Variants in DROSHA observed in about 807,000 individuals in gnomAD.
The protein encoded by DROSHA is drosha ribonuclease III.
In DROSHA, 56 loss-of-function variants were observed where a neutral mutation model predicts 181.9. That is an observed-to-expected ratio of 0.31 (90% CI 0.25 to 0.38). DROSHA has a LOEUF of 0.38. Ranked by LOEUF, DROSHA falls within the 10% of genes least tolerant of loss-of-function variation. DROSHA has a pLI of 1.00. For synonymous variants in DROSHA, 524 were observed against 591.2 expected (o/e 0.89, Z 1.65); for missense variants, 1,218 against 1,743.5 (o/e 0.70, Z 5.37).
chr5:31,477,286 C>G (rs1249174957), intron 16 of DROSHA, among the ~76,000 whole-genome samples: 1 of 152,072 alleles, frequency 6.6e-6, no homozygotes, highest in African/African-American at 2.4e-5. Flanking sequence ...AAGAATATGG[C>G]TGCTTATAAG....
intron 19 of DROSHA, among the ~76,000 whole-genome samples, chr5:31,464,873 C>T (rs1351877968): frequency 2.6e-5 from 4 of 152,218 alleles, no homozygotes; most frequent in Middle Eastern, 3.4e-3. Flanking sequence ...TTCCCTTTCA[C>T]GGCCCTTCAA....
chr5:31,421,192 C>T, intron 30 of DROSHA, 80 bp downstream of exon 30: 2 of 1,065,712 alleles, frequency 1.9e-6, no homozygotes, highest in South Asian at 1.4e-5. Context: ...AAATTAATTA[C>T]ATAGATATAT....
chr5:31,445,118 T>C (rs953845829), intron 23 of DROSHA, among the ~76,000 whole-genome samples: 3 of 152,178 alleles, frequency 2.0e-5, no homozygotes, highest in African/African-American at 7.2e-5. Flanking sequence ...ATGATAAGCA[T>C]AGCTATTCCA....
At chr5:31,423,444 T>C (rs776604941) in intron 28 of DROSHA, 2 of 153,094 alleles carry the variant, frequency 1.3e-5, no homozygotes, top group African/African-American at 2.4e-5. Flanking sequence ...TAAAAACTAC[T>C]GCATTAAAGT....
At chr5:31,418,710 G>A (rs1294267902) in intron 30 of DROSHA, among the ~76,000 whole-genome samples, 1 of 152,160 alleles carries the variant, frequency 6.6e-6, no homozygotes, top group African/African-American at 2.4e-5. Context: ...AACACTGTCA[G>A]GGCTTGTGAA....
chr5:31,426,321 T>A (rs1743468090), intron 27 of DROSHA, among the ~76,000 whole-genome samples: 1 of 152,148 alleles, frequency 6.6e-6, no homozygotes, highest in Admixed American at 6.5e-5. Context: ...GGTCTCTACC[T>A]TTAGCTGGCT....
At chr5:31,485,323 TCCCCCA>T (rs958443523) in intron 14 of DROSHA, among the ~76,000 whole-genome samples, 50 of 148,346 alleles carry the variant, frequency 3.4e-4, no homozygotes, top group African/African-American at 1.2e-3. Context: ...GATAGGCTTG[TCCCCCA>T]CCCCCGCCCC....
intron 23 of DROSHA, among the ~76,000 whole-genome samples, chr5:31,447,881 T>C (rs545548975): frequency 2.0e-5 from 3 of 152,270 alleles, no homozygotes; most frequent in African/African-American, 7.2e-5. Flanking sequence ...TGTGAAGACA[T>C]TGGATCCCTG....
chr5:31,447,463 A>C (rs1746451072), intron 23 of DROSHA, among the ~76,000 whole-genome samples: 1 of 152,336 alleles, frequency 6.6e-6, no homozygotes, highest in Non-Finnish European at 1.5e-5. Context: ...ATTTGCAGAA[A>C]TTGACAAGCT....
chr5:31,515,173 T>C lies in DROSHA; in HGVS notation c.1105A>G (p.Lys369Glu). 1.2e-6 allele frequency: 2 copies of C among 1,613,940 alleles called. No homozygotes were observed. Among genetic ancestry groups the C allele is most frequent in the Non-Finnish European group, 1.7e-6 (2 of 1,179,892 alleles). Residue 369 changes from lysine to glutamate, a missense_variant, in exon 8 of 36, where the codon AAA becomes GAA. Lys to Glu is a moderately conservative substitution (Grantham distance 56). Around this residue, in one of 8 missense-constraint regions of DROSHA, gnomAD observed 536 missense variants for 535.4 expected, o/e 1.00. Transcript: ENST00000344624. ...EKKRARWEEEKDRWSDNQSSG... is the reference protein window; with the variant it reads ...EKKRARWEEEEDRWSDNQSSG... ...CTCTGGTTGTCACTCCAACGGTCTTTTTCTTCCTCCCAACGAGCTCTCTTC... is the reference window on the plus strand; with the variant it reads ...CTCTGGTTGTCACTCCAACGGTCTTCTTCTTCCTCCCAACGAGCTCTCTTC...
intron 13 of DROSHA, among the ~76,000 whole-genome samples, chr5:31,486,889 C>T (rs571620271): frequency 6.6e-6 from 1 of 152,190 alleles, no homozygotes; most frequent in African/African-American, 2.4e-5. Flanking sequence ...ATAAACATTT[C>T]TGTTTCTCAA....
At chr5:31,502,548 A>G (rs911643769) in intron 11 of DROSHA, among the ~76,000 whole-genome samples, 1 of 152,246 alleles carries the variant, frequency 6.6e-6, no homozygotes, top group Admixed American at 6.5e-5. Flanking sequence ...ATACAGCATC[A>G]GCAACAATCC....
chr5:31,458,892 T>C (rs897961841), intron 20 of DROSHA, among the ~76,000 whole-genome samples: 10 of 152,182 alleles, frequency 6.6e-5, no homozygotes, highest in South Asian at 2.1e-4. Flanking sequence ...ACCAGAAAGT[T>C]GCAATCAGCA....
At chr5:31,406,811 G>T in intron 34 of DROSHA, 42 bp downstream of exon 34, 1 of 1,565,560 alleles carries the variant, frequency 6.4e-7, no homozygotes, top group South Asian at 1.1e-5. Flanking sequence ...TAGACACACA[G>T]GATGTTCATT....
At chr5:31,507,139 A>T (rs192230079) in intron 10 of DROSHA, among the ~76,000 whole-genome samples, 2 of 151,656 alleles carry the variant, frequency 1.3e-5, no homozygotes, top group Admixed American at 6.6e-5. Flanking sequence ...ACATAGCGAG[A>T]CCTCATCTCT....
At chr5:31,478,975 C>G (rs924446341) in intron 16 of DROSHA, among the ~76,000 whole-genome samples, 2 of 152,092 alleles carry the variant, frequency 1.3e-5, no homozygotes, top group Admixed American at 1.3e-4. Context: ...ATTTCTGAAG[C>G]ATTTATACAA....
At chr5:31,493,758 C>G (rs549939163) in intron 12 of DROSHA, among the ~76,000 whole-genome samples, 3 of 152,056 alleles carry the variant, frequency 2.0e-5, no homozygotes, top group Non-Finnish European at 4.4e-5. Flanking sequence ...AAGGTCAACC[C>G]CTCATAGCTC....
chr5:31,418,243 C>CAGAG (rs35207002), intron 30 of DROSHA, among the ~76,000 whole-genome samples: 16 of 148,614 alleles, frequency 1.1e-4, no homozygotes, highest in Middle Eastern at 3.2e-3. Flanking sequence ...GTGTGTGTCA[C>CAGAG]AGAGAGAGAG....
intron 20 of DROSHA, among the ~76,000 whole-genome samples, chr5:31,457,728 A>G (rs1747842926): frequency 6.6e-6 from 1 of 152,064 alleles, no homozygotes; most frequent in African/African-American, 2.4e-5. Flanking sequence ...CATCTCTACA[A>G]AAAATTGAAA....
Sources: allele counts gnomAD v4.1 joint callset (sites outside exome capture counted in the v4.1 genomes callset), GRCh38; gene constraint gnomAD v4.1.1; regional missense constraint gnomAD v4.1.1; transcripts MANE v1.5; gene names NCBI Gene and HGNC (gene_info 2026-07-23, HGNC 2026-07-21).